The following TCERG1L variants were observed in gnomAD, a reference collection of about 807,000 sequenced individuals.
TCERG1L encodes transcription elongation regulator 1 like.
In TCERG1L, 37 loss-of-function variants were observed where a neutral mutation model predicts 56.3. The observed-to-expected ratio is 0.66, with a 90% confidence interval of 0.51 to 0.87. TCERG1L has a LOEUF of 0.87. TCERG1L is among the 40% of genes least tolerant of loss of function. TCERG1L has a pLI of 0.00. For synonymous variants in TCERG1L, 324 were observed against 326.3 expected, an observed-to-expected ratio of 0.99 and a Z score of 0.08; for missense variants, 799 against 774.2, an observed-to-expected ratio of 1.03 and a Z score of -0.38.
chr10:131,308,694 T>C (rs527421038), intron 2 of TCERG1L, among the ~76,000 whole-genome samples: 27 of 152,322 alleles, frequency 1.8e-4, no homozygotes, highest in Middle Eastern at 6.8e-3. Flanking sequence ...GTATGACAAG[T>C]CAATACTTTA....
chr10:131,281,938 C>G (rs909292849), intron 3 of TCERG1L, among the ~76,000 whole-genome samples: 10 of 152,054 alleles, frequency 6.6e-5, no homozygotes, highest in African/African-American at 1.9e-4. Context: ...AGATCGAGAC[C>G]ATCCTGGCTA....
At chr10:131,300,656 C>T (rs1339976792) in intron 3 of TCERG1L, among the ~76,000 whole-genome samples, 1 of 152,172 alleles carries the variant, frequency 6.6e-6, no homozygotes, top group African/African-American at 2.4e-5. Flanking sequence ...TAATCATGGT[C>T]AATCATAGAA....
chr10:131,305,770 ATC>A (rs1490778518), intron 3 of TCERG1L, among the ~76,000 whole-genome samples: 1 of 151,984 alleles, frequency 6.6e-6, no homozygotes, highest in African/African-American at 2.4e-5. Context: ...GATAAAATAT[ATC>A]TGATTCTAAG....
chr10:131,260,568 T>C lies in TCERG1L; in HGVS notation c.671-124A>G. On this transcript the variant is annotated intron_variant, in intron 3 of 11. Coordinates refer to ENST00000368642, the MANE Select transcript of TCERG1L (RefSeq NM_174937.4). This position sits in a 1 kb window ranked among gnomAD's most constrained non-coding sequence, Gnocchi z 5.8. ...AGGTGAGGGGGGCGCTACCCCTCTT[T>C]AATGGAGGCCCACAGTATGTGCCAC... The C allele has an allele frequency of 8.5e-7, 1 of 1,172,324 alleles. No individual in the cohort carries two copies. 72.6% of individuals were successfully genotyped at this position (1,172,324 alleles called of 1,614,324 possible).
chr10:131,138,788 C>T (rs141243529), intron 7 of TCERG1L, among the ~76,000 whole-genome samples: 64 of 152,262 alleles, frequency 4.2e-4, no homozygotes, highest in African/African-American at 1.5e-3. Flanking sequence ...TGTGAACATA[C>T]TGAACGCCAC....
At chr10:131,272,397 C>T (rs895250114) in intron 3 of TCERG1L, among the ~76,000 whole-genome samples, 1 of 152,202 alleles carries the variant, frequency 6.6e-6, no homozygotes, top group Non-Finnish European at 1.5e-5. Context: ...GCATCCAATG[C>T]CTGCTATAGT....
chr10:131,311,270 C>G lies in TCERG1L; in HGVS notation c.342+24G>C, dbSNP rs1028409990. The G allele has an allele frequency of 8.4e-7, 1 of 1,191,646 alleles. No individual in the cohort carries two copies. Among genetic ancestry groups the G allele is most frequent in the Non-Finnish European group, 1.0e-6 (1 of 961,800 alleles). The allele number at this position is 1,191,646 out of a possible 1,614,324, so 73.8% of individuals were successfully genotyped here. On this transcript the variant is annotated intron_variant, in intron 1 of 11. Transcript: ENST00000368642. The surrounding 1 kb of genome is among the most constrained non-coding windows in gnomAD (Gnocchi z 4.0). ...GAGCAGGGGAGACGGCGACCCGGGC[C>G]GAGGCGGGACGGGGACACGTTACCT...
At chr10:131,283,676 G>A (rs924310237) in intron 3 of TCERG1L, among the ~76,000 whole-genome samples, 27 of 152,280 alleles carry the variant, frequency 1.8e-4, no homozygotes, top group African/African-American at 5.5e-4. Flanking sequence ...ACTGGAAAAC[G>A]AAGATGATGA....
chr10:131,310,822 T>C (rs915193935), intron 1 of TCERG1L, among the ~76,000 whole-genome samples: 1 of 152,140 alleles, frequency 6.6e-6, no homozygotes, highest in South Asian at 2.1e-4. Flanking sequence ...TATTTTCAAA[T>C]GAAAGGGGGA....
At chr10:131,231,076 G>A (rs987587099) in intron 4 of TCERG1L, among the ~76,000 whole-genome samples, 2 of 150,798 alleles carry the variant, frequency 1.3e-5, no homozygotes, top group African/African-American at 2.4e-5. Flanking sequence ...GGACCTGGAG[G>A]GGGGCAGTGG....
chr10:131,104,478 C>T lies in TCERG1L; in HGVS notation c.1396-124G>A, dbSNP rs1038636964. The T allele has an allele frequency of 3.6e-5, 23 of 639,092 alleles. No individual in the cohort carries two copies. In the Admixed American group the frequency reaches 4.4e-4, roughly 12 times the overall value. The allele number at this position is 639,092 out of a possible 1,614,324, so 39.6% of individuals were successfully genotyped here. On this transcript the variant is annotated intron_variant, in intron 9 of 11. Transcript: ENST00000368642. Reference sequence around the variant, plus strand: ...ACCAGCATTAAAGTACAATAGATTCCGTGATGTGGTGCAGTATAAGTGTTA... The same window carrying T: ...ACCAGCATTAAAGTACAATAGATTCTGTGATGTGGTGCAGTATAAGTGTTA...
At chr10:131,150,497 C>A (rs1047429696) in intron 6 of TCERG1L, among the ~76,000 whole-genome samples, 2 of 152,244 alleles carry the variant, frequency 1.3e-5, no homozygotes, top group African/African-American at 2.4e-5. Context: ...CAATCCCAAC[C>A]CTCCCACTGG....
At chr10:131,099,971 C>A (rs1245340761) in intron 10 of TCERG1L, among the ~76,000 whole-genome samples, 1 of 152,126 alleles carries the variant, frequency 6.6e-6, no homozygotes, top group Non-Finnish European at 1.5e-5. Flanking sequence ...TCAAGCAATT[C>A]TCCTGCCTCA....
chr10:131,162,319 C>T (rs1845986700), intron 6 of TCERG1L: 1 of 152,330 alleles, frequency 6.6e-6, no homozygotes, highest in Non-Finnish European at 1.5e-5. Context: ...GCCACCGACA[C>T]TGACCATGGC....
chr10:131,148,251 A>C (rs1845820487), intron 6 of TCERG1L, among the ~76,000 whole-genome samples: 1 of 152,236 alleles, frequency 6.6e-6, no homozygotes, highest in Admixed American at 6.5e-5. Context: ...GGGAGGTGGG[A>C]AGATCAGTGA....
chr10:131,107,683 C>T (rs373706334), intron 9 of TCERG1L, among the ~76,000 whole-genome samples: 50 of 152,232 alleles, frequency 3.3e-4, no homozygotes, highest in African/African-American at 8.7e-4. Context: ...GAAACACTTA[C>T]GATGCCCAGA....
chr10:131,150,377 C>G (rs1430662462), intron 6 of TCERG1L, among the ~76,000 whole-genome samples: 1 of 152,218 alleles, frequency 6.6e-6, no homozygotes, highest in Non-Finnish European at 1.5e-5. Context: ...GCTAGGTGCA[C>G]ACAGTGTCAG....
intron 8 of TCERG1L, among the ~76,000 whole-genome samples, chr10:131,129,917 G>A (rs1845600372): frequency 6.6e-6 from 1 of 152,028 alleles, no homozygotes; most frequent in Non-Finnish European, 1.5e-5. Flanking sequence ...GGATGGGGGA[G>A]ACTTCCACGA....
intron 4 of TCERG1L, among the ~76,000 whole-genome samples, chr10:131,255,250 A>G (rs1009822848): frequency 1.3e-5 from 2 of 152,246 alleles, no homozygotes; most frequent in Non-Finnish European, 2.9e-5. Context: ...AAAAGTGAAC[A>G]AGATGGTACC....
Sources: allele counts gnomAD v4.1 joint callset (sites outside exome capture counted in the v4.1 genomes callset), GRCh38; gene constraint gnomAD v4.1.1; non-coding constraint Gnocchi (gnomAD v3.1); transcripts MANE v1.5; gene names NCBI Gene and HGNC (gene_info 2026-07-23, HGNC 2026-07-21).